TBCE: variants seen among roughly 807,000 people sequenced by gnomAD.
TBCE encodes tubulin-specific chaperone E.
TBCE carries 53 observed loss-of-function variants against 77.0 expected under a neutral mutation model. The ratio of observed to expected loss-of-function variants is 0.69; its 90% CI spans 0.55 to 0.87. TBCE has a LOEUF of 0.87. TBCE is among the 40% of genes least tolerant of loss of function. TBCE has a pLI of 0.00. For missense variants in TBCE, 624 were observed against 622.4 expected (o/e 1.00, Z -0.03); for synonymous variants, 235 against 241.3 (o/e 0.97, Z 0.24).
Position 235,424,733 on chromosome 1 carries a change from G to A in TBCE, c.461-2407G>A, listed in dbSNP as rs567742296. Reference sequence around the variant, plus strand: ...TTGGTCAGGCTGGTCTCGAACCCCCGACCTCAGGTGATCCGCCCGCCTCGG... The same window carrying A: ...TTGGTCAGGCTGGTCTCGAACCCCCAACCTCAGGTGATCCGCCCGCCTCGG... On this transcript the variant is annotated intron_variant, in intron 5 of 16. Coordinates refer to ENST00000642610, the MANE Select transcript of TBCE (RefSeq NM_003193.5). 1.1e-3 allele frequency among the ~76,000 whole-genome samples: 174 copies of A among 152,096 alleles called. 1 individual carries two copies. The highest frequency in any genetic ancestry group is 1.8e-3 in the Non-Finnish European group (119 of 67,978).
chr1:235,427,471 C>G lies in TBCE; in HGVS notation c.560+232C>G, dbSNP rs74151505. Among the ~76,000 whole-genome samples the G allele has an allele frequency of 0.023, 3,442 of 152,252 alleles. 137 individuals are homozygous for G. The highest frequency in any genetic ancestry group is 0.078 in the African/African-American group (3,242 of 41,530). ...AAATTATTTTCCTTTCTAACACAAG[C>G]AGCCTGTAAAATCGAGCTGCAGACA... On this transcript the variant is annotated intron_variant, in intron 6 of 16. Coordinates refer to ENST00000642610, the MANE Select transcript of TBCE (RefSeq NM_003193.5).
chr1:235,410,984 A>G (rs1679752704), intron 3 of TBCE, among the ~76,000 whole-genome samples: 1 of 152,260 alleles, frequency 6.6e-6, no homozygotes. Context: ...CACAAAGAGT[A>G]TAATCACAGC....
chr1:235,397,029 C>T (rs1678768967), intron 2 of TBCE, among the ~76,000 whole-genome samples: 2 of 151,796 alleles, frequency 1.3e-5, no homozygotes, highest in South Asian at 4.2e-4. Flanking sequence ...AGCTGGAGTG[C>T]AGTAGCGCCA....
At chr1:235,380,299 C>T (rs1435759090) in intron 2 of TBCE, 150 bp downstream of exon 2, 1 of 689,916 alleles carries the variant, frequency 1.4e-6, no homozygotes, top group East Asian at 2.8e-5. Context: ...TTATAGGTGC[C>T]TCCTGTATCC....
At position 235,398,914 on chromosome 1, in the gene TBCE, G is replaced by A. The variant is rs1017281954; in HGVS notation, c.101-2589G>A. ...CCAGTCTTGGCCTCCCAAAGTGCTGGGATCATGGGCGTGAGCTCCCGTGCC... is the reference window on the plus strand; with the variant it reads ...CCAGTCTTGGCCTCCCAAAGTGCTGAGATCATGGGCGTGAGCTCCCGTGCC... On this transcript the variant is annotated intron_variant, in intron 2 of 16. Coordinates refer to ENST00000642610, the MANE Select transcript of TBCE (RefSeq NM_003193.5). Among the ~76,000 whole-genome samples, 11 of 151,826 alleles carry A rather than the reference G, an allele frequency of 7.2e-5. No homozygotes were observed. In the South Asian group the frequency reaches 2.1e-3, roughly 29 times the overall value.
chr1:235,420,351 G>T (rs1680332113), intron 5 of TBCE, among the ~76,000 whole-genome samples: 5 of 149,078 alleles, frequency 3.4e-5, no homozygotes, highest in Admixed American at 1.4e-4. Context: ...GTCTTGCTCT[G>T]TTGCCTAGGC....
chr1:235,436,042 G>A (rs571627362), intron 9 of TBCE: 4 of 614,030 alleles, frequency 6.5e-6, no homozygotes, highest in Admixed American at 2.9e-5. Context: ...GACTATGTCT[G>A]TACCAGATAA....
Position 235,387,858 on chromosome 1 carries a change from C to G in TBCE, c.100+7709C>G, listed in dbSNP as rs575100054. 5.9e-5 allele frequency among the ~76,000 whole-genome samples: 9 copies of G among 152,216 alleles called. No homozygotes were observed. In the East Asian group the frequency reaches 1.7e-3, roughly 29 times the overall value. On this transcript the variant is annotated intron_variant, in intron 2 of 16. Coordinates refer to ENST00000642610, the MANE Select transcript of TBCE (RefSeq NM_003193.5). Reference sequence around the variant, plus strand: ...TCAGGGCCAGTCTGTAAAGTGAAAACAAGTTTATTAGGAAAGTAAAGGAAT... The same window carrying G: ...TCAGGGCCAGTCTGTAAAGTGAAAAGAAGTTTATTAGGAAAGTAAAGGAAT...
intron 2 of TBCE, among the ~76,000 whole-genome samples, chr1:235,400,303 C>T (rs947514720): frequency 2.0e-5 from 3 of 152,116 alleles, no homozygotes; most frequent in Middle Eastern, 6.8e-3. Context: ...TTTTATCTCC[C>T]CACTCCTTGT....
In TBCE at chr1:235,419,647, T is replaced by G. The variant is rs1006463348; in HGVS notation, c.460+86T>G. ...GAGACTGCTAATTGCCTACCCATTG[T>G]CCAGTCTTGACAACTTCCTTCCTAA... On this transcript the variant is annotated intron_variant, in intron 5 of 16. Transcript: ENST00000642610. The G allele has an allele frequency of 3.8e-6, 6 of 1,570,332 alleles. No homozygotes were observed. In the African/African-American group the frequency reaches 8.1e-5, roughly 21 times the overall value.
chr1:235,426,572 G>A (rs966933059), intron 5 of TBCE, among the ~76,000 whole-genome samples: 1 of 152,116 alleles, frequency 6.6e-6, no homozygotes, highest in African/African-American at 2.4e-5. Context: ...ATGGTTTAGC[G>A]TTATGACATT....
chr1:235,427,938 G>A (rs1558382500), intron 6 of TBCE, among the ~76,000 whole-genome samples: 1 of 152,090 alleles, frequency 6.6e-6, no homozygotes, highest in Admixed American at 6.6e-5. Context: ...GCTGAGACAA[G>A]ATAATTGCTT....
In TBCE at chr1:235,392,631, G is replaced by A. The variant is rs371234771; in HGVS notation, c.101-8872G>A. 4.8e-4 allele frequency among the ~76,000 whole-genome samples: 73 copies of A among 151,448 alleles called. No individual in the cohort carries two copies. In the South Asian group the frequency reaches 0.013, roughly 26 times the overall value. ...TCACTGTGTTGGCCAGGCTGATCTC[G>A]AACTGCTGACCTCAGGTGATCCGCC... On this transcript the variant is annotated intron_variant, in intron 2 of 16. Transcript: ENST00000642610.
At chr1:235,414,776 T>C (rs1227269931) in intron 4 of TBCE, 158 bp downstream of exon 4, 1 of 715,374 alleles carries the variant, frequency 1.4e-6, no homozygotes, top group Non-Finnish European at 2.4e-6. Flanking sequence ...CCAAGAATTA[T>C]TTAGGGAAAT....
At chr1:235,442,043 T>C (rs1236578904) in intron 14 of TBCE, among the ~76,000 whole-genome samples, 161 bp downstream of exon 14, 1 of 151,682 alleles carries the variant, frequency 6.6e-6, no homozygotes, top group Non-Finnish European at 1.5e-5. Context: ...AGTCTCCCTC[T>C]GTCTCCCAGG....
intron 12 of TBCE, 117 bp from the exon 13 acceptor site, chr1:235,438,652 C>A: frequency 4.3e-6 from 5 of 1,168,112 alleles, no homozygotes; most frequent in Non-Finnish European, 6.3e-6. Context: ...AGATCTTGTC[C>A]CTCTCAATTT....
At chr1:235,446,269 G>A (rs185886593) in intron 15 of TBCE, among the ~76,000 whole-genome samples, 14 of 152,044 alleles carry the variant, frequency 9.2e-5, no homozygotes, top group Non-Finnish European at 1.6e-4. Flanking sequence ...TCTGCCTTCC[G>A]GGTTCAAGCA....
At chr1:235,422,197 T>C (rs1012635546) in intron 5 of TBCE, among the ~76,000 whole-genome samples, 3 of 152,246 alleles carry the variant, frequency 2.0e-5, no homozygotes, top group Non-Finnish European at 1.5e-5. Context: ...CTGCCTGGCC[T>C]ATTCCTAAAC....
rs1680778162 is a variant in TBCE at position 235,427,272 on chromosome 1, C to G, written c.560+33C>G. ...CTCTTGGTTGCTGAATCTTCATTAA[C>G]AATAAAGCTCATCTCTCCTTGCTTC... On this transcript the variant is annotated intron_variant, in intron 6 of 16. Coordinates refer to ENST00000642610, the MANE Select transcript of TBCE (RefSeq NM_003193.5). 15 of 1,451,494 alleles carry G rather than the reference C, an allele frequency of 1.0e-5. No individual in the cohort carries two copies. The East Asian group carries it at 3.4e-4, about 33-fold the overall frequency. The allele number at this position is 1,451,494 out of a possible 1,614,324, so 89.9% of individuals were successfully genotyped here.
Sources: gnomAD v4.1 joint callset for allele counts (sites outside exome capture counted in the v4.1 genomes callset) on GRCh38, gnomAD v4.1.1 for gene constraint, MANE v1.5 for transcripts, NCBI Gene and HGNC (gene_info 2026-07-23, HGNC 2026-07-21) for gene names.